C13orf42: variants seen among roughly 807,000 people sequenced by gnomAD.
C13orf42 encodes the protein chromosome 13 open reading frame 42, also known as uncharacterized protein C13orf42.
chr13:51,099,751 C>T (rs1328481753), intron 1 of C13orf42, among the ~76,000 whole-genome samples: 1 of 152,174 alleles, frequency 6.6e-6, no homozygotes, highest in African/African-American at 2.4e-5. Flanking sequence ...CCTCCTACCT[C>T]AGTTTTCCAA....
At chr13:51,170,955 A>G (rs1953945121) in intron 1 of C13orf42, among the ~76,000 whole-genome samples, 1 of 150,352 alleles carries the variant, frequency 6.7e-6, no homozygotes, top group Admixed American at 6.6e-5. Context: ...CCACACCCCA[A>G]CCTCTTATCT....
intron 1 of C13orf42, among the ~76,000 whole-genome samples, chr13:51,160,960 C>G (rs200448260): frequency 6.7e-4 from 46 of 68,512 alleles, no homozygotes; most frequent in Non-Finnish European, 9.8e-5. Context: ...AGATTGGAAA[C>G]AAGAAAAAAA....
At chr13:51,139,604 G>T (rs181072039) in intron 1 of C13orf42, among the ~76,000 whole-genome samples, 62 of 152,272 alleles carry the variant, frequency 4.1e-4, no homozygotes, top group African/African-American at 1.4e-3. Context: ...AAAACAGTCT[G>T]CAGCAAAGAG....
At chr13:51,108,814 G>A (rs1210655199) in intron 1 of C13orf42, among the ~76,000 whole-genome samples, 1 of 152,120 alleles carries the variant, frequency 6.6e-6, no homozygotes, top group African/African-American at 2.4e-5. Context: ...TTTCCTGATT[G>A]CGCTGTGGTG....
At chr13:51,093,059 A>C (rs1284561438) in intron 1 of C13orf42, among the ~76,000 whole-genome samples, 1 of 152,230 alleles carries the variant, frequency 6.6e-6, no homozygotes, top group African/African-American at 2.4e-5. Context: ...ATAATTTCTT[A>C]ATATCAGGAA....
In C13orf42 at chr13:51,082,129, G is replaced by C. The variant is rs1177160633; in HGVS notation, c.*2022C>G. ...ATCTGTCAACTCAACTGGGTTTTCT[G>C]AATTGACTTTTATTGTTTCAGATTT... On this transcript the variant is annotated 3_prime_UTR_variant, in exon 4 of 4. Transcript: ENST00000563710. 1 of 152,192 alleles carries C rather than the reference G, an allele frequency of 6.6e-6. No individual in the cohort carries two copies. Among genetic ancestry groups the C allele is most frequent in the East Asian group, 1.9e-4 (1 of 5,206 alleles). 9.4% of individuals were successfully genotyped at this position (152,192 alleles called of 1,614,324 possible). A position where few individuals can be genotyped will look rare whatever the true frequency, so the allele number is the denominator to read the frequency against.
intron 1 of C13orf42, among the ~76,000 whole-genome samples, chr13:51,157,382 T>C (rs1953832467): frequency 6.6e-6 from 1 of 152,100 alleles, no homozygotes. Flanking sequence ...TGCAGTGAGC[T>C]GAGATTGTGC....
rs183750069 is a variant in C13orf42, at chr13:51,151,421, T to C, written n.136+20832A>G. On this transcript the variant is annotated intron_variant and non_coding_transcript_variant, in intron 1 of 4. Coordinates refer to the C13orf42 transcript ENST00000433280. ...ACAAACAAACAAACAAAAACTCAGA[T>C]TCTTCCCTAGAGCCTCTAGAAGGAA... Among the ~76,000 whole-genome samples, 6 of 152,056 alleles carry C rather than the reference T, an allele frequency of 3.9e-5. No homozygotes were observed. In the East Asian group the frequency reaches 1.2e-3, roughly 29 times the overall value.
chr13:51,085,473 T>A lies in C13orf42; in HGVS notation c.649A>T (p.Thr217Ser). ...RRHSEDIAAHTVHTVDGQFRR... is the reference protein window; with the variant it reads ...RRHSEDIAAHSVHTVDGQFRR... ...AACTGGCCGTCTACAGTATGCACAG[T>A]GTGGGCAGCGATATCCTCGGAGTGT... is the stretch of plus-strand genomic sequence containing the variant. Residue 217 changes from threonine to serine, a missense_variant, in exon 3 of 4, where the codon ACT (threonine) becomes TCT (serine). Thr to Ser is a moderately conservative substitution (Grantham distance 58, BLOSUM62 1). Transcript: ENST00000563710. 2.5e-6 allele frequency: 1 copy of A among 398,640 alleles called. No individual in the cohort carries two copies. Among genetic ancestry groups the A allele is most frequent in the Non-Finnish European group, 4.4e-6 (1 of 226,080 alleles). 24.7% of individuals were successfully genotyped at this position (398,640 alleles called of 1,614,324 possible).
At chr13:51,148,171 G>C (rs966156100) in intron 1 of C13orf42, among the ~76,000 whole-genome samples, 1 of 152,200 alleles carries the variant, frequency 6.6e-6, no homozygotes, top group Non-Finnish European at 1.5e-5. Context: ...TTCTAGTGGA[G>C]AGGAAGGAAA....
intron 1 of C13orf42, among the ~76,000 whole-genome samples, chr13:51,128,524 A>C (rs1342407863): frequency 6.6e-6 from 1 of 152,176 alleles, no homozygotes; most frequent in African/African-American, 2.4e-5. Flanking sequence ...CTCCTAAGAC[A>C]GAATGGGCTA....
intron 1 of C13orf42, among the ~76,000 whole-genome samples, chr13:51,119,389 GTCC>G (rs1953515938): frequency 6.6e-6 from 1 of 152,148 alleles, no homozygotes; most frequent in Non-Finnish European, 1.5e-5. Context: ...CTCAAAAAGA[GTCC>G]TCGTTTGTCT....
At chr13:51,140,958 T>C (rs988936931) in intron 1 of C13orf42, among the ~76,000 whole-genome samples, 1 of 152,110 alleles carries the variant, frequency 6.6e-6, no homozygotes, top group South Asian at 2.1e-4. Context: ...AAATCATAAT[T>C]TGTGTGATTA....
chr13:51,165,492 G>C (rs1415882465), intron 1 of C13orf42, among the ~76,000 whole-genome samples: 1 of 152,144 alleles, frequency 6.6e-6, no homozygotes, highest in Non-Finnish European at 1.5e-5. Flanking sequence ...ACTAGGACCT[G>C]GGCAGTCAAC....
At chr13:51,169,535 A>G (rs9535593) in intron 1 of C13orf42, among the ~76,000 whole-genome samples, 38,621 of 152,168 alleles carry the variant, frequency 0.25, 4,944 homozygotes, top group African/African-American at 0.28. Context: ...AAGGCATTTC[A>G]GAGGTCTTTG....
At chr13:51,159,165 C>T (rs1405724310) in intron 1 of C13orf42, among the ~76,000 whole-genome samples, 1 of 152,156 alleles carries the variant, frequency 6.6e-6, no homozygotes, top group African/African-American at 2.4e-5. Context: ...TGCATCAAAG[C>T]TGATTTTCCC....
At position 51,163,409 on chromosome 13, in the gene C13orf42, G is replaced by A. The variant is rs148701970; in HGVS notation, n.136+8844C>T. The stretch of plus-strand genomic sequence containing the variant: ...CTACTGACTCCAGCAGGGATGGCAC[G>A]ATGTCCCAGAGGTCAAAGAAGAGAC... On this transcript the variant is annotated intron_variant and non_coding_transcript_variant, in intron 1 of 4. Coordinates refer to the C13orf42 transcript ENST00000433280. 2.3e-3 allele frequency among the ~76,000 whole-genome samples: 357 copies of A among 152,234 alleles called. 1 individual carries two copies. The highest frequency in any genetic ancestry group is 8.2e-3 in the African/African-American group (341 of 41,540).
At chr13:51,128,612 TC>T (rs1254809447) in intron 1 of C13orf42, among the ~76,000 whole-genome samples, 1 of 152,166 alleles carries the variant, frequency 6.6e-6, no homozygotes, top group African/African-American at 2.4e-5. Flanking sequence ...TTAGAGTCCT[TC>T]CTAAGATTTA....
chr13:51,155,855 G>C (rs1403223592), intron 1 of C13orf42, among the ~76,000 whole-genome samples: 1 of 152,192 alleles, frequency 6.6e-6, no homozygotes. Flanking sequence ...AAGGACAACT[G>C]TCACCACGTG....
Sources: gnomAD v4.1 joint callset for allele counts (sites outside exome capture counted in the v4.1 genomes callset) on GRCh38, gnomAD v4.1.1 for gene constraint, MANE v1.5 for transcripts, NCBI Gene and HGNC (gene_info 2026-07-23, HGNC 2026-07-21) for gene names.